Variants in TMPRSS2 observed in about 807,000 individuals in gnomAD.
The protein encoded by TMPRSS2 is transmembrane serine protease 2.
In TMPRSS2, 59 loss-of-function variants were observed where a neutral mutation model predicts 67.4. The observed-to-expected ratio is 0.88, with a 90% confidence interval of 0.71 to 1.09. The LOEUF (loss-of-function observed/expected upper bound fraction) is 1.09, where lower values mean the gene tolerates loss of function less well. TMPRSS2 is among the 50% of genes least tolerant of loss of function. TMPRSS2 has a pLI of 0.00. For synonymous variants in TMPRSS2, 257 were observed against 257.0 expected (o/e 1.00, Z 0.00); for missense variants, 668 against 642.7 (o/e 1.04, Z -0.43).
At chr21:41,504,878 G>A (rs573178525) in intron 1 of TMPRSS2, among the ~76,000 whole-genome samples, 3 of 152,238 alleles carry the variant, frequency 2.0e-5, no homozygotes, top group Admixed American at 6.5e-5. Context: ...CTGAGGCCAC[G>A]CAGTGCATCC....
At chr21:41,467,037 A>G (rs2091090915) in intron 13 of TMPRSS2, among the ~76,000 whole-genome samples, 1 of 152,122 alleles carries the variant, frequency 6.6e-6, no homozygotes, top group African/African-American at 2.4e-5. Context: ...GAGCCACTCG[A>G]TGGCCCCAGA....
chr21:41,504,093 G>A (rs573152591), intron 1 of TMPRSS2, among the ~76,000 whole-genome samples: 78 of 152,278 alleles, frequency 5.1e-4, no homozygotes, highest in African/African-American at 1.8e-3. Flanking sequence ...GTCAGACCTC[G>A]CTTGAAAATA....
In TMPRSS2 at chr21:41,471,951, T is replaced by C; in HGVS notation, c.930A>G (p.Ala310=). ...AAGATTGTCTCAAAATCCCCGCAAA[T>C]GCCGTCCAATGCCATGGATTGTTAA... ...KPLNNPWHWT[A]FAGILRQSFM... Residue 310 remains alanine, a synonymous_variant, in exon 10 of 14, where the codon GCA becomes GCG. Coordinates refer to ENST00000332149, the MANE Select transcript of TMPRSS2 (RefSeq NM_005656.4). 1 of 1,611,590 alleles carries C rather than the reference T, an allele frequency of 6.2e-7. No individual in the cohort carries two copies.
rs978829377 is a variant in TMPRSS2 at position 41,465,864 on chromosome 21, G to A, written c.*278C>T. ...AAGGACTCAGCAGGAAGATCTCAAT[G>A]GGGCAGCCTCCACCCCTCTCCTCCA... On this transcript the variant is annotated 3_prime_UTR_variant, in exon 14 of 14. Transcript: ENST00000332149. 12 of 492,384 alleles carry A rather than the reference G, an allele frequency of 2.4e-5. No individual in the cohort carries two copies. The highest frequency in any genetic ancestry group is 2.4e-4 in the African/African-American group (12 of 50,584). The allele number at this position is 492,384 out of a possible 1,614,324, so 30.5% of individuals were successfully genotyped here. A position where few individuals can be genotyped will look rare whatever the true frequency, so the allele number is the denominator to read the frequency against.
chr21:41,477,593 A>G (rs1324218724), intron 7 of TMPRSS2, among the ~76,000 whole-genome samples: 1 of 152,118 alleles, frequency 6.6e-6, no homozygotes, highest in Non-Finnish European at 1.5e-5. Context: ...CTACAATAAT[A>G]GGTCCTTCCT....
chr21:41,464,861 T>C lies in TMPRSS2; in HGVS notation c.*1281A>G. 4.3e-6 allele frequency: 1 copy of C among 233,308 alleles called. No individual in the cohort carries two copies. The highest frequency in any genetic ancestry group is 8.5e-6 in the Non-Finnish European group (1 of 118,062). 14.5% of individuals were successfully genotyped at this position (233,308 alleles called of 1,614,324 possible). A position where few individuals can be genotyped will look rare whatever the true frequency, so the allele number is the denominator to read the frequency against. ...TCAAGGTTAAGTCCTAGCTGTAGAA[T>C]CATTCATTTCATTCTTGCAAACCAG... On this transcript the variant is annotated 3_prime_UTR_variant, in exon 14 of 14. Transcript: ENST00000332149.
chr21:41,468,634 A>G (rs1156721468), intron 11 of TMPRSS2, 96 bp from the exon 12 acceptor site: 1 of 1,400,254 alleles, frequency 7.1e-7, no homozygotes, highest in Non-Finnish European at 9.8e-7. Flanking sequence ...CGCACTACAC[A>G]GATGGTCACA....
chr21:41,506,199 A>C (rs28360562), intron 1 of TMPRSS2, among the ~76,000 whole-genome samples: 12,045 of 152,252 alleles, frequency 0.079, 553 homozygotes, highest in Middle Eastern at 0.17. Flanking sequence ...CAGCAACAGC[A>C]CAAGCTTGTT....
chr21:41,508,069 G>T lies in TMPRSS2; in HGVS notation c.-57+12C>A, dbSNP rs900579566. ...GACCCCGAGCCGGGACCCTGGTACC[G>T]GCGCCGCTCACCTGCCGCGCTCCAG... On this transcript the variant is annotated intron_variant, in intron 1 of 13. Transcript: ENST00000332149. 5.4e-6 allele frequency: 7 copies of T among 1,288,116 alleles called. No individual in the cohort carries two copies. The highest frequency in any genetic ancestry group is 4.2e-5 in the Admixed American group (1 of 23,722). 79.8% of individuals were successfully genotyped at this position (1,288,116 alleles called of 1,614,324 possible). A position where few individuals can be genotyped will look rare whatever the true frequency, so the allele number is the denominator to read the frequency against.
At chr21:41,507,821 G>T in intron 1 of TMPRSS2, 1 of 1,099,364 alleles carries the variant, frequency 9.1e-7, no homozygotes, top group Non-Finnish European at 1.2e-6. Flanking sequence ...ACCTCGCGAT[G>T]CCAAGCCAAC....
At chr21:41,491,220 A>G (rs1385865581) in intron 3 of TMPRSS2, among the ~76,000 whole-genome samples, 1 of 146,566 alleles carries the variant, frequency 6.8e-6, no homozygotes, top group African/African-American at 2.5e-5. Flanking sequence ...GCAGTGGCAC[A>G]ATCATGGCTC....
rs115968373 is a variant in TMPRSS2, at chr21:41,498,011, G to A, written c.15+108C>T. ...TTGAACAGCATCAGCGTGGCCCGGC[G>A]TTCCCTACAAATAGCCCTTGCAATT... On this transcript the variant is annotated intron_variant, in intron 2 of 13. Transcript: ENST00000332149. The A allele has an allele frequency of 3.4e-4, 279 of 827,888 alleles. 1 individual carries two copies. Among genetic ancestry groups the A allele is most frequent in the Middle Eastern group, 3.0e-3 (13 of 4,346 alleles). The allele number at this position is 827,888 out of a possible 1,614,324, so 51.3% of individuals were successfully genotyped here. A position where few individuals can be genotyped will look rare whatever the true frequency, so the allele number is the denominator to read the frequency against.
intron 13 of TMPRSS2, 84 bp downstream of exon 13, chr21:41,467,650 C>T (rs2146419483): frequency 2.0e-6 from 3 of 1,535,676 alleles, no homozygotes; most frequent in Non-Finnish European, 1.8e-6. Context: ...AGTCAGCTTC[C>T]AGCAGCAGAA....
At chr21:41,494,649 A>G in intron 2 of TMPRSS2, 71 bp from the exon 3 acceptor site, 1 of 1,289,628 alleles carries the variant, frequency 7.8e-7, no homozygotes, top group Non-Finnish European at 1.1e-6. Flanking sequence ...ACAAACTATC[A>G]CATCATACCA....
At chr21:41,469,139 A>G (rs1362219969) in intron 11 of TMPRSS2, among the ~76,000 whole-genome samples, 2 of 151,568 alleles carry the variant, frequency 1.3e-5, no homozygotes, top group African/African-American at 4.9e-5. Flanking sequence ...ATTCTCACCA[A>G]CCAATATTTC....
intron 8 of TMPRSS2, among the ~76,000 whole-genome samples, chr21:41,475,897 G>C (rs1601570685): frequency 6.6e-6 from 1 of 151,906 alleles, no homozygotes; most frequent in East Asian, 1.9e-4. Context: ...GAAGACCTGA[G>C]CCAGCCCTGC....
chr21:41,468,317 C>T lies in TMPRSS2; in HGVS notation c.1314+79G>A, dbSNP rs763811652. 13 of 1,566,268 alleles carry T rather than the reference C, an allele frequency of 8.3e-6. No homozygotes were observed. The Admixed American group carries it at 1.9e-4, about 23-fold the overall frequency. ...GTGTCACTGAGGAGGCTCTGCTGAC[C>T]CCAAGAATGCCCTCTCTCTCATGGG... On this transcript the variant is annotated intron_variant, in intron 12 of 13. Coordinates refer to ENST00000332149, the MANE Select transcript of TMPRSS2 (RefSeq NM_005656.4).
chr21:41,488,213 A>T (rs1210278169), intron 5 of TMPRSS2, among the ~76,000 whole-genome samples, 181 bp downstream of exon 5: 1 of 152,118 alleles, frequency 6.6e-6, no homozygotes, highest in Non-Finnish European at 1.5e-5. Flanking sequence ...CTGCTGGGTG[A>T]GGTTGGGCCG....
intron 1 of TMPRSS2, among the ~76,000 whole-genome samples, chr21:41,502,152 AGGACGATGCTGTG>A (rs1369371994): frequency 6.6e-6 from 1 of 152,242 alleles, no homozygotes; most frequent in Non-Finnish European, 1.5e-5. Flanking sequence ...ACCATGCAGC[AGGACGATGCTGTG>A]GCATCGTATC....
Sources: gnomAD v4.1 joint callset for allele counts (sites outside exome capture counted in the v4.1 genomes callset) on GRCh38, gnomAD v4.1.1 for gene constraint, MANE v1.5 for transcripts, NCBI Gene and HGNC (gene_info 2026-07-23, HGNC 2026-07-21) for gene names.